COG5: variants seen among roughly 807,000 people sequenced by gnomAD.
COG5 encodes the protein conserved oligomeric Golgi complex subunit 5.
COG5 carries 86 observed loss-of-function variants against 110.4 expected under a neutral mutation model. The observed-to-expected ratio is 0.78, with a 90% CI of 0.65 to 0.93. The LOEUF (loss-of-function observed/expected upper bound fraction) is 0.93, where lower values mean the gene tolerates loss of function less well. Ranked by LOEUF, COG5 falls within the 40% of genes least tolerant of loss-of-function variation. The pLI is 0.00. For synonymous variants in COG5, 360 were observed against 334.6 expected, an observed-to-expected ratio of 1.08 and a Z score of -0.83; for missense variants, 1,077 against 987.0, an observed-to-expected ratio of 1.09 and a Z score of -1.22.
chr7:107,369,595 G>C (rs1314637424), intron 8 of COG5, among the ~76,000 whole-genome samples: 1 of 151,772 alleles, frequency 6.6e-6, no homozygotes, highest in African/African-American at 2.4e-5. Context: ...TACCATGTTG[G>C]CCAGGCTGGT....
chr7:107,259,624 T>A (rs1015137154), intron 14 of COG5, among the ~76,000 whole-genome samples: 2 of 152,164 alleles, frequency 1.3e-5, no homozygotes, highest in Non-Finnish European at 2.9e-5. Context: ...CATCTGACTA[T>A]AATGGGCATT....
chr7:107,307,986 T>C (rs1027837652), intron 11 of COG5, among the ~76,000 whole-genome samples: 1 of 152,200 alleles, frequency 6.6e-6, no homozygotes, highest in African/African-American at 2.4e-5. Context: ...AGTGGTGACA[T>C]CTGCCTGATT....
chr7:107,224,147 T>G (rs1202616281), intron 19 of COG5, among the ~76,000 whole-genome samples: 1 of 152,044 alleles, frequency 6.6e-6, no homozygotes, highest in East Asian at 1.9e-4. Context: ...AAGGGATGGG[T>G]TAAGGGCTCC....
chr7:107,547,978 G>C, intron 5 of COG5, 133 bp downstream of exon 5: 1 of 745,960 alleles, frequency 1.3e-6, no homozygotes, highest in Non-Finnish European at 2.2e-6. Context: ...AGGCTTTTTA[G>C]TATTTTTTTC....
chr7:107,440,069 G>A (rs1794616810), intron 6 of COG5, among the ~76,000 whole-genome samples: 1 of 152,102 alleles, frequency 6.6e-6, no homozygotes, highest in African/African-American at 2.4e-5. Context: ...CTTCCAAAAT[G>A]AACTGTTATT....
At chr7:107,445,897 A>G (rs1434530432) in intron 6 of COG5, among the ~76,000 whole-genome samples, 1 of 152,176 alleles carries the variant, frequency 6.6e-6, no homozygotes, top group Non-Finnish European at 1.5e-5. Flanking sequence ...AAGTCCTAAA[A>G]TTGTCAAAAA....
chr7:107,238,207 G>A lies in COG5; in HGVS notation c.1854-1520C>T, dbSNP rs796953702. Among the ~76,000 whole-genome samples, 9 of 152,010 alleles carry A rather than the reference G, an allele frequency of 5.9e-5. No homozygotes were observed. The South Asian group carries it at 1.5e-3, about 25-fold the overall frequency. ...TTCTACTCTCTGTTTCTATGTATTC[G>A]GTTGTTTTAGACAACAGATATGTGA... On this transcript the variant is annotated intron_variant, in intron 17 of 21. Transcript: ENST00000297135.
At chr7:107,412,444 A>C in intron 7 of COG5, 58 bp downstream of exon 7, 1 of 1,541,382 alleles carries the variant, frequency 6.5e-7, no homozygotes, top group Non-Finnish European at 8.9e-7. Context: ...TCAAAGTCAA[A>C]TGTTCACCTG....
intron 6 of COG5, among the ~76,000 whole-genome samples, chr7:107,437,758 C>T (rs768093606): frequency 6.6e-6 from 1 of 152,100 alleles, no homozygotes; most frequent in Non-Finnish European, 1.5e-5. Context: ...GAAATTCTTG[C>T]TTTCCTACAA....
At chr7:107,458,338 T>C (rs1438287123) in intron 6 of COG5, among the ~76,000 whole-genome samples, 3 of 151,966 alleles carry the variant, frequency 2.0e-5, no homozygotes, top group Admixed American at 1.3e-4. Context: ...AACATAAACT[T>C]CTTAAAAAAC....
intron 12 of COG5, among the ~76,000 whole-genome samples, chr7:107,290,802 T>C (rs1419550863): frequency 6.6e-6 from 1 of 151,918 alleles, no homozygotes; most frequent in African/African-American, 2.4e-5. Flanking sequence ...GTAAGTGAAG[T>C]ATAGTTGTAT....
chr7:107,294,168 A>G (rs976072587), intron 12 of COG5, among the ~76,000 whole-genome samples: 1 of 152,150 alleles, frequency 6.6e-6, no homozygotes, highest in Non-Finnish European at 1.5e-5. Context: ...CTCTATTTGC[A>G]TTTTCAATTC....
chr7:107,447,496 G>T (rs547112343), intron 6 of COG5, among the ~76,000 whole-genome samples: 1 of 152,110 alleles, frequency 6.6e-6, no homozygotes, highest in Admixed American at 6.5e-5. Flanking sequence ...ATATACATAC[G>T]AAGAGGAAAA....
intron 6 of COG5, among the ~76,000 whole-genome samples, chr7:107,448,849 CA>C (rs946812941): frequency 6.6e-6 from 1 of 150,992 alleles, no homozygotes; most frequent in Non-Finnish European, 1.5e-5. Flanking sequence ...CTAGAAATAT[CA>C]AAAAAATTAA....
chr7:107,412,390 T>C, intron 7 of COG5, 112 bp downstream of exon 7: 1 of 953,212 alleles, frequency 1.0e-6, no homozygotes, highest in African/African-American at 1.6e-5. Flanking sequence ...AGACATACTT[T>C]CTCAGTGATA....
chr7:107,511,171 G>A (rs1355053675), intron 6 of COG5, among the ~76,000 whole-genome samples: 2 of 151,646 alleles, frequency 1.3e-5, no homozygotes, highest in African/African-American at 4.8e-5. Flanking sequence ...GAAGAAAAGA[G>A]AGAAGAATCA....
At chr7:107,483,124 A>C (rs1020908788) in intron 6 of COG5, among the ~76,000 whole-genome samples, 8 of 152,134 alleles carry the variant, frequency 5.3e-5, no homozygotes, top group African/African-American at 1.9e-4. Flanking sequence ...ACAGCAACCT[A>C]ATCTTTGATA....
At chr7:107,495,016 G>C (rs946262507) in intron 6 of COG5, among the ~76,000 whole-genome samples, 1 of 152,134 alleles carries the variant, frequency 6.6e-6, no homozygotes, top group Non-Finnish European at 1.5e-5. Flanking sequence ...ATCCAATGGG[G>C]ATTTGGAGAA....
At chr7:107,310,723 G>GAGC (rs1209880829) in intron 11 of COG5, among the ~76,000 whole-genome samples, 1 of 152,134 alleles carries the variant, frequency 6.6e-6, no homozygotes, top group East Asian at 1.9e-4. Context: ...AGTCATTAGG[G>GAGC]AGCAGGTGCT....
Sources: gnomAD v4.1 joint callset for allele counts (sites outside exome capture counted in the v4.1 genomes callset) on GRCh38, gnomAD v4.1.1 for gene constraint, MANE v1.5 for transcripts, NCBI Gene and HGNC (gene_info 2026-07-23, HGNC 2026-07-21) for gene names.